The following C3orf52 variants were observed in gnomAD, a reference collection of about 807,000 sequenced individuals.
The protein encoded by C3orf52 is TPA-induced transmembrane protein.
Under a neutral mutation model 24.8 loss-of-function variants are expected in C3orf52, and 22 were observed. That is an observed-to-expected ratio of 0.89 (90% confidence interval 0.63 to 1.27). The LOEUF (loss-of-function observed/expected upper bound fraction) is 1.27. Among genes scored for constraint, C3orf52 ranks in the 50% most tolerant of loss-of-function variants. The probability of loss-of-function intolerance (pLI) is 0.00; values close to 1 mark genes in which losing one functional copy is unlikely to be tolerated. For synonymous variants in C3orf52, 93 were observed against 100.2 expected, an observed-to-expected ratio of 0.93 and a Z score of 0.43; for missense variants, 265 against 260.7, an observed-to-expected ratio of 1.02 and a Z score of -0.11.
chr3:112,106,391 C>T (rs934885738), intron 3 of C3orf52, among the ~76,000 whole-genome samples: 2 of 152,172 alleles, frequency 1.3e-5, no homozygotes, highest in South Asian at 2.1e-4. Context: ...TCCCACTCCA[C>T]CACACTGGCT....
At chr3:112,123,276 T>C in intron 4 of C3orf52, 1 of 1,157,352 alleles carries the variant, frequency 8.6e-7, no homozygotes, top group Non-Finnish European at 1.2e-6. Context: ...ATGGTTGATC[T>C]TTAGATTTTG....
In C3orf52 at chr3:112,123,624, C is replaced by T. The variant is rs139176068; in HGVS notation, c.*46+4062C>T. 2.5e-4 allele frequency: 407 copies of T among 1,614,098 alleles called. 2 individuals carry two copies. The East Asian group carries it at 8.1e-3, about 32-fold the overall frequency. ...TAGAAGTGAATACTCAGTCTCAGTT[C>T]CTCCCAAGGACTCTCTGGGTCTCTC... On this transcript the variant is annotated intron_variant, in intron 4 of 4. Coordinates refer to the C3orf52 transcript ENST00000480282.
Position 112,126,794 on chromosome 3 carries a change from TA to T in C3orf52, c.*47-1437del, listed in dbSNP as rs375660189. On this transcript the variant is annotated intron_variant, in intron 4 of 4. Coordinates refer to the C3orf52 transcript ENST00000480282. ...GGCACTAACTGAGGAATTTGGAGAT[TA>T]ATGAGCCAATTCCTGCTTCAATGAG... 5.3e-3 allele frequency among the ~76,000 whole-genome samples: 810 copies of T among 152,318 alleles called. 7 individuals are homozygous for T. The highest frequency in any genetic ancestry group is 0.018 in the African/African-American group (767 of 41,552).
At chr3:112,089,755 G>T (rs898520169) in intron 1 of C3orf52, among the ~76,000 whole-genome samples, 1 of 152,004 alleles carries the variant, frequency 6.6e-6, no homozygotes, top group South Asian at 2.1e-4. Flanking sequence ...AAGAAGAAAG[G>T]CTTTTTAGAT....
At chr3:112,099,672 AGGTGCATAG>A (rs1244629780) in intron 2 of C3orf52, among the ~76,000 whole-genome samples, 1 of 152,234 alleles carries the variant, frequency 6.6e-6, no homozygotes, top group Non-Finnish European at 1.5e-5. Context: ...TATATTCATA[AGGTGCATAG>A]TAGAATGTTT....
downstream of C3orf52, chr3:112,133,433 G>A (rs990169301): frequency 3.1e-6 from 1 of 322,258 alleles, no homozygotes; most frequent in Non-Finnish European, 5.7e-6. Flanking sequence ...ATTACAGATG[G>A]GCCATGGGAG....
chr3:112,127,813 A>G (rs1218781926), intron 4 of C3orf52, among the ~76,000 whole-genome samples: 1 of 152,162 alleles, frequency 6.6e-6, no homozygotes, highest in Non-Finnish European at 1.5e-5. Flanking sequence ...TTCCTGTTTG[A>G]GGAGAGCATG....
At chr3:112,101,343 G>A (rs1385512655) in intron 2 of C3orf52, among the ~76,000 whole-genome samples, 3 of 152,174 alleles carry the variant, frequency 2.0e-5, no homozygotes, top group Admixed American at 2.0e-4. Context: ...AATTCCTCCA[G>A]CGATAGGCTG....
chr3:112,116,300 T>C (rs1183073282), intron 5 of C3orf52, among the ~76,000 whole-genome samples: 2 of 152,148 alleles, frequency 1.3e-5, no homozygotes, highest in Non-Finnish European at 2.9e-5. Flanking sequence ...ATTTTACACG[T>C]TTTAAAAACG....
At chr3:112,135,289 A>G (rs1034567670), downstream of C3orf52, 3 of 152,222 alleles carry the variant, frequency 2.0e-5, no homozygotes, top group African/African-American at 7.2e-5. Context: ...TGTAGGTTCA[A>G]TGGTAAGAAA....
downstream of C3orf52, chr3:112,119,419 G>A (rs1465582276): frequency 2.9e-6 from 2 of 701,488 alleles, no homozygotes; most frequent in African/African-American, 1.7e-5. Flanking sequence ...AGGGTTGCGG[G>A]TGGTCAGAGA....
At chr3:112,095,477 C>A (rs1432430240) in intron 2 of C3orf52, among the ~76,000 whole-genome samples, 3 of 152,142 alleles carry the variant, frequency 2.0e-5, no homozygotes, top group Non-Finnish European at 4.4e-5. Flanking sequence ...GATCTGTCTT[C>A]CATTCTCAAA....
At chr3:112,119,905 G>A (rs1004144971), downstream of C3orf52, among the ~76,000 whole-genome samples, 4 of 152,158 alleles carry the variant, frequency 2.6e-5, no homozygotes, top group Non-Finnish European at 4.4e-5. Context: ...GCTTGTTGAG[G>A]GCAAAGCCTA....
chr3:112,088,616 C>T (rs548035298), intron 1 of C3orf52, among the ~76,000 whole-genome samples: 6 of 152,232 alleles, frequency 3.9e-5, no homozygotes, highest in Non-Finnish European at 7.4e-5. Context: ...GAAGCTTGAA[C>T]GTATGTTTTT....
chr3:112,113,231 A>G (rs2074103625), intron 5 of C3orf52, 86 bp downstream of exon 5: 2 of 1,019,736 alleles, frequency 2.0e-6, no homozygotes, highest in African/African-American at 3.2e-5. Context: ...TCGATTTGGC[A>G]ACTGTGGTGA....
intron 2 of C3orf52, among the ~76,000 whole-genome samples, chr3:112,098,522 T>C (rs557899764): frequency 8.5e-5 from 13 of 152,360 alleles, no homozygotes; most frequent in Non-Finnish European, 1.3e-4. Flanking sequence ...TTGGAAGTAC[T>C]CTTGGCTAGA....
At chr3:112,112,125 AATCTGGCCC>A (rs1202340741) in intron 4 of C3orf52, 2 of 152,248 alleles carry the variant, frequency 1.3e-5, no homozygotes, top group Non-Finnish European at 2.9e-5. Context: ...GCTGGTTCTT[AATCTGGCCC>A]ATCTTAAACC....
intron 1 of C3orf52, among the ~76,000 whole-genome samples, chr3:112,087,533 C>A (rs1028137022): frequency 6.6e-6 from 1 of 152,122 alleles, no homozygotes; most frequent in African/African-American, 2.4e-5. Context: ...TTTTGGCTGC[C>A]CAGCTGTTGA....
intron 1 of C3orf52, 99 bp from the exon 2 acceptor site, chr3:112,093,261 C>A: frequency 7.7e-7 from 1 of 1,302,906 alleles, no homozygotes; most frequent in Non-Finnish European, 1.1e-6. Context: ...AGGTCAGGGT[C>A]TTGCTGCCTT....
Sources: gnomAD v4.1 joint callset for allele counts (sites outside exome capture counted in the v4.1 genomes callset) on GRCh38, gnomAD v4.1.1 for gene constraint, MANE v1.5 for transcripts, NCBI Gene and HGNC (gene_info 2026-07-23, HGNC 2026-07-21) for gene names.